Variants in GEN1 observed in about 807,000 individuals in gnomAD.
GEN1 encodes the protein GEN1 structure-specific endonuclease.
Under a neutral mutation model 67.6 loss-of-function variants are expected in GEN1, and 64 were observed. The ratio of observed to expected loss-of-function variants is 0.95; its 90% CI spans 0.77 to 1.17. GEN1 has a LOEUF of 1.17. Ranked by LOEUF, GEN1 falls within the 50% of genes most tolerant of loss-of-function variation. GEN1 has a pLI of 0.00. For synonymous variants in GEN1, 371 were observed against 359.4 expected (o/e 1.03, Z -0.37); for missense variants, 1,058 against 1,048.3 (o/e 1.01, Z -0.13).
chr2:17,763,427 G>C (rs1216846798), intron 3 of GEN1, among the ~76,000 whole-genome samples: 1 of 152,098 alleles, frequency 6.6e-6, no homozygotes, highest in African/African-American at 2.4e-5. Flanking sequence ...TTTCTTTATT[G>C]CTGCAGTAAT....
chr2:17,754,109 C>T (rs1161618351), upstream of GEN1: 1 of 152,268 alleles, frequency 6.6e-6, no homozygotes. Flanking sequence ...AGTCACTTCC[C>T]GGAAGAGGCG....
chr2:17,772,949 A>G, intron 8 of GEN1, 147 bp from the exon 9 acceptor site: 1 of 797,902 alleles, frequency 1.3e-6, no homozygotes, highest in Non-Finnish European at 2.0e-6. Flanking sequence ...GGAGATAGTA[A>G]TGTAATAGTT....
rs2125191470 is a variant in GEN1 at position 17,785,513 on chromosome 2, A to G, written c.*3574A>G. The G allele has an allele frequency of 6.6e-6, 1 of 152,370 alleles. No individual in the cohort carries two copies. Among genetic ancestry groups the G allele is most frequent in the South Asian group, 2.1e-4 (1 of 4,816 alleles). The allele number at this position is 152,370 out of a possible 1,614,324, so 9.4% of individuals were successfully genotyped here. ...GGTTTCTTTCTGATGGCTCCATGCT[A>G]AGGCCCTGCTCTGGCCTAACTGCTT... On this transcript the variant is annotated 3_prime_UTR_variant, in exon 14 of 14. Coordinates refer to ENST00000381254, the MANE Select transcript of GEN1 (RefSeq NM_001130009.3).
intron 3 of GEN1, 68 bp from the exon 4 acceptor site, chr2:17,764,829 G>A (rs1671847177): frequency 2.2e-6 from 3 of 1,383,288 alleles, no homozygotes; most frequent in Admixed American, 2.2e-5. Flanking sequence ...TACAGAAATA[G>A]GTTTAATAGT....
intron 7 of GEN1, 58 bp from the exon 8 acceptor site, chr2:17,772,576 T>C: frequency 6.8e-7 from 1 of 1,474,208 alleles, no homozygotes; most frequent in Non-Finnish European, 9.2e-7. Flanking sequence ...AAAGAATGTA[T>C]GTAGAAAGTA....
At chr2:17,753,324 T>TGGGAGGGGACGGCCGCCTGGGA (rs750528642), upstream of GEN1, among the ~76,000 whole-genome samples, 1 of 123,630 alleles carries the variant, frequency 8.1e-6, no homozygotes, top group Non-Finnish European at 1.8e-5. Flanking sequence ...CGGGAGAGTC[T>TGGGAGGGGACGGCCGCCTGGGA]GGGGACGGCC....
chr2:17,779,841 C>T (rs1402962963), intron 12 of GEN1, 137 bp from the exon 13 acceptor site: 22 of 556,744 alleles, frequency 4.0e-5, no homozygotes, highest in Non-Finnish European at 6.3e-5. Flanking sequence ...AGGCTGGTCT[C>T]GAACTCCTGA....
intron 2 of GEN1, among the ~76,000 whole-genome samples, chr2:17,760,963 G>T (rs2081601): frequency 0.077 from 11,703 of 151,116 alleles, 557 homozygotes; most frequent in East Asian, 0.12. Flanking sequence ...GGGCACAGTG[G>T]CTCACACTTG....
chr2:17,758,330 A>G (rs769087156), intron 1 of GEN1, among the ~76,000 whole-genome samples: 4 of 152,210 alleles, frequency 2.6e-5, no homozygotes, highest in Non-Finnish European at 4.4e-5. Flanking sequence ...TTCGATAGCA[A>G]TCTATTCCAG....
chr2:17,781,683 C>G lies in GEN1; in HGVS notation c.2471C>G (p.Ser824Cys), dbSNP rs1358223600. 1 of 1,613,744 alleles carries G rather than the reference C, an allele frequency of 6.2e-7. No homozygotes were observed. Among genetic ancestry groups the G allele is most frequent in the Non-Finnish European group, 8.5e-7 (1 of 1,179,882 alleles). ...KYTTQRMKHS[S>C]QKHNSSHFKE... ...ACAACTCAAAGAATGAAGCACAGTT[C>G]TCAAAAGCATAATTCATCCCATTTC... is the stretch of plus-strand genomic sequence containing the variant. The change falls in exon 14 of 14, where the codon TCT (serine) becomes TGT (cysteine). Residue 824 changes from serine (S) to cysteine (C), a missense_variant. By Grantham distance (112) the Ser-to-Cys change is moderately radical. Transcript: ENST00000381254.
At chr2:17,777,833 G>T (rs1672511404) in intron 11 of GEN1, among the ~76,000 whole-genome samples, 169 bp from the exon 12 acceptor site, 2 of 151,824 alleles carry the variant, frequency 1.3e-5, no homozygotes, top group African/African-American at 4.8e-5. Flanking sequence ...TAAACTCTAT[G>T]TACCTAACAA....
rs1304594137 is a variant in GEN1, at chr2:17,774,405, A to T, written c.1202+4A>T. On this transcript the variant is annotated splice_donor_region_variant and intron_variant, in intron 11 of 13. Transcript: ENST00000381254. ...CTAATCAACTACAGCCAATTCGGTA[A>T]TGTAAAGAACTGTATGGTGAAGGTG... 3 of 1,597,818 alleles carry T rather than the reference A, an allele frequency of 1.9e-6. No homozygotes were observed. Among genetic ancestry groups the T allele is most frequent in the East Asian group, 4.5e-5 (2 of 44,404 alleles).
At chr2:17,766,202 G>T (rs1453408437) in intron 4 of GEN1, among the ~76,000 whole-genome samples, 2 of 152,068 alleles carry the variant, frequency 1.3e-5, no homozygotes, top group African/African-American at 4.8e-5. Flanking sequence ...TAGTCTCACT[G>T]TGTCACCCAA....
At position 17,781,065 on chromosome 2, in the gene GEN1, T is replaced by C. The variant is rs776480770; in HGVS notation, c.1853T>C (p.Leu618Pro). The change falls in exon 14 of 14, where the codon CTA becomes CCA. Residue 618 changes from leucine (L) to proline (P), a missense_variant. Physicochemically the swap from Leu to Pro is moderately conservative, Grantham distance 98 (BLOSUM62 -3). Transcript: ENST00000381254. ...TTAAAATCAGAAGTTGAATCAGAGC[T>C]ATCAGCCATCCCTGATGGCTTTGAA... ...HDLKSEVESE[L>P]SAIPDGFENI... 4 of 1,613,858 alleles carry C rather than the reference T, an allele frequency of 2.5e-6. No homozygotes were observed. In the South Asian group the frequency reaches 3.3e-5, roughly 13 times the overall value.
intron 1 of GEN1, 104 bp from the exon 2 acceptor site, chr2:17,759,825 C>T (rs1007459953): frequency 1.8e-5 from 17 of 924,648 alleles, no homozygotes; most frequent in Middle Eastern, 4.7e-4. Flanking sequence ...TAAGGAATAT[C>T]CTCTATGAAT....
intron 11 of GEN1, among the ~76,000 whole-genome samples, chr2:17,774,749 C>T (rs148792474): frequency 2.0e-3 from 303 of 150,932 alleles, no homozygotes; most frequent in African/African-American, 7.0e-3. Flanking sequence ...TAGAAGCAGC[C>T]GTATCATCCA....
Position 17,781,967 on chromosome 2 carries a change from C to T in GEN1, c.*28C>T, listed in dbSNP as rs574152273. The T allele has an allele frequency of 3.2e-6, 4 of 1,269,230 alleles. No homozygotes were observed. In the South Asian group the frequency reaches 5.9e-5, roughly 19 times the overall value. The allele number at this position is 1,269,230 out of a possible 1,614,324, so 78.6% of individuals were successfully genotyped here. ...TTTAAAACACTTAGGTATAACTTAA[C>T]TATTTTAGTACTATCAGCAATAGCA... On this transcript the variant is annotated 3_prime_UTR_variant, in exon 14 of 14. Transcript: ENST00000381254.
chr2:17,780,700 A>T lies in GEN1; in HGVS notation c.1488A>T (p.Thr496=), dbSNP rs569616891. Residue 496 remains threonine, a synonymous_variant, in exon 14 of 14, where the codon ACA becomes ACT. Transcript: ENST00000381254. ...SFQSHMTLKP[T]CEIFHKQNSK... ...AGTCACACATGACTTTAAAACCCAC[A>T]TGTGAAATCTTTCATAAGCAGAATT... The T allele has an allele frequency of 1.2e-6, 2 of 1,613,888 alleles. No individual in the cohort carries two copies. Among genetic ancestry groups the T allele is most frequent in the Middle Eastern group, 1.7e-4 (1 of 6,058 alleles).
chr2:17,762,938 T>C (rs1049554251), intron 3 of GEN1, among the ~76,000 whole-genome samples: 10 of 152,194 alleles, frequency 6.6e-5, no homozygotes, highest in Non-Finnish European at 1.5e-5. Context: ...CTTTGTAATA[T>C]TTAGTGTGCA....
Sources: allele counts gnomAD v4.1 joint callset (sites outside exome capture counted in the v4.1 genomes callset), GRCh38; gene constraint gnomAD v4.1.1; transcripts MANE v1.5; gene names NCBI Gene and HGNC (gene_info 2026-07-23, HGNC 2026-07-21).